The following DTD1 variants were observed in gnomAD, a reference collection of about 807,000 sequenced individuals.
DTD1 encodes the protein D-aminoacyl-tRNA deacylase 1.
In DTD1, 13 loss-of-function variants were observed where a neutral mutation model predicts 25.6. The observed-to-expected ratio is 0.51, with a 90% CI of 0.33 to 0.81. The LOEUF (loss-of-function observed/expected upper bound fraction) is 0.81, where lower values mean the gene tolerates loss of function less well. DTD1 is among the 30% of genes least tolerant of loss of function. The pLI, the probability that DTD1 is intolerant of heterozygous loss-of-function variation, is 0.02. For synonymous variants in DTD1, 110 were observed against 103.6 expected (o/e 1.06, Z -0.37); for missense variants, 193 against 266.4 (o/e 0.72, Z 1.92).
intron 4 of DTD1, among the ~76,000 whole-genome samples, chr20:18,647,000 C>T (rs2060852786): frequency 6.6e-6 from 1 of 152,194 alleles, no homozygotes; most frequent in Non-Finnish European, 1.5e-5. Flanking sequence ...CTCAGCAGAA[C>T]AAAATAAAGC....
intron 4 of DTD1, among the ~76,000 whole-genome samples, chr20:18,685,783 A>G (rs145143576): frequency 6.6e-6 from 1 of 152,166 alleles, no homozygotes; most frequent in Non-Finnish European, 1.5e-5. Context: ...ACCTTCTTTG[A>G]TGCAGCCCAG....
rs143781702 is a variant in DTD1, at chr20:18,730,715, A to C, written c.478-13385A>C. On this transcript the variant is annotated intron_variant, in intron 4 of 5. Transcript: ENST00000377452. ...ATTAGTTTTGGCATTTGTATAACTC[A>C]TTTGGCATTGTTACATTACTTAACA... Among the ~76,000 whole-genome samples the C allele has an allele frequency of 3.3e-5, 5 of 152,304 alleles. No individual in the cohort carries two copies. The East Asian group carries it at 9.6e-4, about 29-fold the overall frequency.
At chr20:18,671,363 T>C (rs945859947) in intron 4 of DTD1, among the ~76,000 whole-genome samples, 1 of 152,208 alleles carries the variant, frequency 6.6e-6, no homozygotes, top group Non-Finnish European at 1.5e-5. Flanking sequence ...TGAATGAATA[T>C]AACTCCCTAG....
chr20:18,761,581 A>G (rs1368990111), intron 5 of DTD1, among the ~76,000 whole-genome samples: 1 of 152,164 alleles, frequency 6.6e-6, no homozygotes, highest in African/African-American at 2.4e-5. Context: ...ATATTTGAAG[A>G]CTAAATTATC....
At chr20:18,699,888 C>T (rs1303155119) in intron 4 of DTD1, among the ~76,000 whole-genome samples, 1 of 152,102 alleles carries the variant, frequency 6.6e-6, no homozygotes, top group Non-Finnish European at 1.5e-5. Context: ...ACCCAGCTTC[C>T]CGAAGTGTTA....
At chr20:18,711,077 C>G (rs1474674309) in intron 4 of DTD1, among the ~76,000 whole-genome samples, 1 of 152,212 alleles carries the variant, frequency 6.6e-6, no homozygotes, top group African/African-American at 2.4e-5. Flanking sequence ...AGGACTAATT[C>G]TTCCCACTAC....
At chr20:18,676,731 G>A (rs2060976755) in intron 4 of DTD1, among the ~76,000 whole-genome samples, 1 of 152,182 alleles carries the variant, frequency 6.6e-6, no homozygotes, top group Admixed American at 6.5e-5. Flanking sequence ...GACGGCTGCT[G>A]CTTGTAGGAT....
At chr20:18,742,378 C>T (rs998735440) in intron 4 of DTD1, among the ~76,000 whole-genome samples, 2 of 152,144 alleles carry the variant, frequency 1.3e-5, no homozygotes, top group Non-Finnish European at 2.9e-5. Context: ...GGGTCCTCAA[C>T]CCCCAGGCCA....
chr20:18,609,309 AT>A (rs2060677019), intron 3 of DTD1, among the ~76,000 whole-genome samples: 2 of 151,270 alleles, frequency 1.3e-5, no homozygotes, highest in Admixed American at 1.3e-4. Flanking sequence ...CACTCGGCTA[AT>A]TTTTTTTGTA....
At chr20:18,737,422 C>T (rs112633050) in intron 4 of DTD1, among the ~76,000 whole-genome samples, 8,755 of 152,324 alleles carry the variant, frequency 0.057, 364 homozygotes, top group South Asian at 0.13. Context: ...ATACTTTGGC[C>T]ACCCAGTGGC....
chr20:18,676,271 C>T (rs1048945451), intron 4 of DTD1, among the ~76,000 whole-genome samples: 1 of 152,162 alleles, frequency 6.6e-6, no homozygotes, highest in Non-Finnish European at 1.5e-5. Context: ...CCTTAACTGG[C>T]AGAGTTTGCA....
intron 4 of DTD1, among the ~76,000 whole-genome samples, chr20:18,650,312 A>C (rs1432876672): frequency 6.6e-6 from 1 of 152,244 alleles, no homozygotes; most frequent in Non-Finnish European, 1.5e-5. Context: ...AACTAAGTGC[A>C]GAACCAGTTG....
chr20:18,716,656 G>A (rs973673851), intron 4 of DTD1, among the ~76,000 whole-genome samples: 2 of 152,146 alleles, frequency 1.3e-5, no homozygotes, highest in Admixed American at 1.3e-4. Flanking sequence ...TTTCAATTTA[G>A]GTAAAAGAGT....
At chr20:18,632,601 T>A in intron 4 of DTD1, 1 of 984,634 alleles carries the variant, frequency 1.0e-6, no homozygotes, top group Non-Finnish European at 1.2e-6. Flanking sequence ...CTTTTAATTC[T>A]CAGTGTTTTA....
At chr20:18,627,212 A>G (rs904052495) in intron 3 of DTD1, among the ~76,000 whole-genome samples, 1 of 114,168 alleles carries the variant, frequency 8.8e-6, no homozygotes, top group Non-Finnish European at 2.0e-5. Flanking sequence ...TGGCATGCCC[A>G]TTTTGCTGAG....
At chr20:18,627,576 C>T (rs1328249098) in intron 3 of DTD1, among the ~76,000 whole-genome samples, 1 of 152,190 alleles carries the variant, frequency 6.6e-6, no homozygotes, top group Non-Finnish European at 1.5e-5. Context: ...CCTGCATTTC[C>T]ATCCCTCTTA....
chr20:18,619,124 C>T (rs2060722745), intron 3 of DTD1, among the ~76,000 whole-genome samples: 1 of 151,938 alleles, frequency 6.6e-6, no homozygotes, highest in African/African-American at 2.4e-5. Context: ...GGATTACAGG[C>T]ATGAGCTACC....
intron 4 of DTD1, among the ~76,000 whole-genome samples, chr20:18,719,235 GTA>G (rs1231419333): frequency 1.0e-3 from 140 of 136,086 alleles, no homozygotes; most frequent in South Asian, 6.5e-4. Flanking sequence ...GTGTGTGTGT[GTA>G]TATATATATG....
chr20:18,759,595 G>A (rs1212736487), intron 5 of DTD1, among the ~76,000 whole-genome samples: 1 of 152,188 alleles, frequency 6.6e-6, no homozygotes, highest in South Asian at 2.1e-4. Flanking sequence ...AGTTTCTGCC[G>A]AGAGATCCGC....
Sources: allele counts gnomAD v4.1 joint callset (sites outside exome capture counted in the v4.1 genomes callset), GRCh38; gene constraint gnomAD v4.1.1; transcripts MANE v1.5; gene names NCBI Gene and HGNC (gene_info 2026-07-23, HGNC 2026-07-21).